Variants in VPS18 observed in about 807,000 individuals in gnomAD.
VPS18 encodes VPS18 core subunit of CORVET and HOPS complexes.
VPS18 carries 25 observed loss-of-function variants against 82.0 expected under a neutral mutation model. The observed-to-expected ratio is 0.30, with a 90% confidence interval of 0.22 to 0.43. The LOEUF (loss-of-function observed/expected upper bound fraction) is 0.43, where lower values mean the gene tolerates loss of function less well. Among genes scored for constraint, VPS18 ranks in the 20% least tolerant of loss-of-function variants. The pLI is 1.00. For missense variants in VPS18, 1,168 were observed against 1,311.1 expected, an observed-to-expected ratio of 0.89 and a Z score of 1.69; for synonymous variants, 523 against 543.0, an observed-to-expected ratio of 0.96 and a Z score of 0.51.
chr15:40,902,738 C>G lies in VPS18; in HGVS notation c.2319C>G (p.Ala773=), dbSNP rs773836935. The change falls in exon 5 of 5, where the codon GCC becomes GCG. Residue 773 remains alanine, a synonymous_variant. Coordinates refer to ENST00000220509, the MANE Select transcript of VPS18 (RefSeq NM_020857.3). This position sits in a 1 kb window ranked among gnomAD's most constrained non-coding sequence, Gnocchi z 4.2. The stretch of plus-strand genomic sequence containing the variant: ...AGGAAGAGGAAGATGTACAGACAGC[C>G]ATGGCTTGCCTGGCTAGCTGCCCCT... ...VVQEEEDVQT[A]MACLASCPLL... 69 of 1,614,188 alleles carry G rather than the reference C, an allele frequency of 4.3e-5. No homozygotes were observed. The highest frequency in any genetic ancestry group is 5.4e-5 in the Non-Finnish European group (64 of 1,180,060).
Position 40,902,877 on chromosome 15 carries a change from C to T in VPS18, c.2458C>T (p.Gln820Ter). Residue 820 changes from glutamine (Q) to a stop codon, truncating the protein, a stop_gained, in exon 5 of 5, where the codon CAG (glutamine) becomes TAG (stop). Coordinates refer to ENST00000220509, the MANE Select transcript of VPS18 (RefSeq NM_020857.3). LOFTEE classifies it high-confidence loss of function. The surrounding 1 kb of genome is among the most constrained non-coding windows in gnomAD (Gnocchi z 4.2). ...CTACAACCACCACATCCAGGAGCTG[C>T]AGCGGGAGATGGAAGAGGCTACAGC... ...KAYNHHIQEL[Q>*]REMEEATASA... is the part of the protein sequence containing the mutation. 6.2e-7 allele frequency: 1 copy of T among 1,614,286 alleles called. No individual in the cohort carries two copies. The highest frequency in any genetic ancestry group is 2.2e-5 in the East Asian group (1 of 44,890).
rs1892389451 is a variant in VPS18 at position 40,903,057 on chromosome 15, C to T, written c.2638C>T (p.Leu880=). The change falls in exon 5 of 5, where the codon CTG becomes TTG. Residue 880 remains leucine (L), a synonymous_variant. Coordinates refer to ENST00000220509, the MANE Select transcript of VPS18 (RefSeq NM_020857.3). ...CGHMFHADCL[L]QAVRPGLPAY... ...CCATATGTTCCATGCTGACTGCCTG[C>T]TGCAGGCTGTGCGACCTGGCCTGCC... 6 of 1,614,128 alleles carry T rather than the reference C, an allele frequency of 3.7e-6. No homozygotes were observed. The highest frequency in any genetic ancestry group is 2.7e-5 in the African/African-American group (2 of 74,950).
chr15:40,896,890 G>A (rs138466068), intron 2 of VPS18, among the ~76,000 whole-genome samples: 1 of 151,784 alleles, frequency 6.6e-6, no homozygotes, highest in African/African-American at 2.4e-5. Flanking sequence ...ATTGATTAGA[G>A]CATTCTTGTG....
At position 40,902,488 on chromosome 15, in the gene VPS18, C is replaced by G. The variant is rs1892375780; in HGVS notation, c.2197-128C>G. 7.8e-7 allele frequency: 1 copy of G among 1,287,826 alleles called. No individual in the cohort carries two copies. Among genetic ancestry groups the G allele is most frequent in the Admixed American group, 2.8e-5 (1 of 36,338 alleles). 79.8% of individuals were successfully genotyped at this position (1,287,826 alleles called of 1,614,324 possible). On this transcript the variant is annotated intron_variant, in intron 4 of 4. Transcript: ENST00000220509. The surrounding 1 kb of genome is among the most constrained non-coding windows in gnomAD (Gnocchi z 4.2). Reference sequence around the variant, plus strand: ...AGCTTTTACATAGCTGTGGCAGCGGCAGGCCCCCTTGCTTCCAGGAGTGCT... The same window carrying G: ...AGCTTTTACATAGCTGTGGCAGCGGGAGGCCCCCTTGCTTCCAGGAGTGCT...
chr15:40,898,790 C>T (rs1307024167), intron 2 of VPS18, 117 bp from the exon 3 acceptor site: 3 of 1,105,736 alleles, frequency 2.7e-6, no homozygotes, highest in African/African-American at 3.1e-5. Flanking sequence ...GCATTTTATG[C>T]ATAGATGTAT....
rs1248925172 is a variant in VPS18 at position 40,894,562 on chromosome 15, A to G, written c.-207A>G. The G allele has an allele frequency of 4.1e-6, 2 of 492,758 alleles. No individual in the cohort carries two copies. The highest frequency in any genetic ancestry group is 7.2e-6 in the Non-Finnish European group (2 of 279,214). 30.5% of individuals were successfully genotyped at this position (492,758 alleles called of 1,614,324 possible). ...AAGGTGCAAGACTGCGCCAGATTCA[A>G]GGACGAGGGCTGCCCGATTATCTCG... On this transcript the variant is annotated 5_prime_UTR_variant, in exon 1 of 5. Transcript: ENST00000220509.
chr15:40,901,880 C>G (rs535547927), intron 4 of VPS18, among the ~76,000 whole-genome samples: 1 of 152,102 alleles, frequency 6.6e-6, no homozygotes, highest in East Asian at 1.9e-4. Flanking sequence ...CACTCCAGCC[C>G]GGGCAACAGA....
At chr15:40,896,418 T>C (rs1347583525) in intron 2 of VPS18, among the ~76,000 whole-genome samples, 2 of 151,484 alleles carry the variant, frequency 1.3e-5, no homozygotes, top group African/African-American at 2.4e-5. Context: ...GATGGTGCAG[T>C]CCCAACTACT....
In VPS18 at chr15:40,900,198, C is replaced by A. The variant is rs749631523; in HGVS notation, c.1380C>A (p.Phe460Leu). The change falls in exon 4 of 5, where the codon TTC becomes TTA. Residue 460 changes from phenylalanine (F) to leucine (L), a missense_variant. Transcript: ENST00000220509. This position sits in a 1 kb window ranked among gnomAD's most constrained non-coding sequence, Gnocchi z 5.4. ...ACTTTGAGGAGATTGCCCTCAAGTT[C>A]CTGGAGGCCCGACAGGAGGAGGCTC... is the stretch of plus-strand genomic sequence containing the variant. Reference protein sequence around the residue: ...QSYFEEIALKFLEARQEEALA... With the variant: ...QSYFEEIALKLLEARQEEALA... 2 of 1,613,828 alleles carry A rather than the reference C, an allele frequency of 1.2e-6. No individual in the cohort carries two copies. Among genetic ancestry groups the A allele is most frequent in the Admixed American group, 1.7e-5 (1 of 60,022 alleles).
intron 1 of VPS18, 112 bp from the exon 2 acceptor site, chr15:40,895,826 G>C (rs3743036): frequency 0.027 from 38,557 of 1,436,756 alleles, 996 homozygotes; most frequent in East Asian, 0.095. Context: ...AGGTCCTGGG[G>C]ATAGGAATAT....
chr15:40,900,272 G>A lies in VPS18; in HGVS notation c.1454G>A (p.Arg485His), dbSNP rs771450559. The change falls in exon 4 of 5, where the codon CGT (arginine) becomes CAT (histidine). Residue 485 changes from arginine to histidine, a missense_variant. This residue lies in a region of VPS18 where 868 missense variants were observed against 939.8 expected (regional missense o/e 0.92). Coordinates refer to ENST00000220509, the MANE Select transcript of VPS18 (RefSeq NM_020857.3). The surrounding 1 kb of genome is among the most constrained non-coding windows in gnomAD (Gnocchi z 5.4). ...RKLASLKPAE[R>H]TQATLLTTWL... is the part of the protein sequence containing the mutation. Reference sequence around the variant, plus strand: ...CTGGCCAGTTTGAAGCCAGCCGAACGTACCCAGGCCACACTGCTGACCACC... The same window carrying A: ...CTGGCCAGTTTGAAGCCAGCCGAACATACCCAGGCCACACTGCTGACCACC... 9.9e-6 allele frequency: 16 copies of A among 1,613,602 alleles called. No homozygotes were observed. The East Asian group carries it at 2.0e-4, about 20-fold the overall frequency.
chr15:40,894,587 G>C lies in VPS18; in HGVS notation c.-182G>C, dbSNP rs567921742. On this transcript the variant is annotated 5_prime_UTR_variant, in exon 1 of 5. Coordinates refer to ENST00000220509, the MANE Select transcript of VPS18 (RefSeq NM_020857.3). ...AGGACGAGGGCTGCCCGATTATCTC[G>C]CTGCATAAGGCAAGAGCAAGAGGAT... 8 of 530,620 alleles carry C rather than the reference G, an allele frequency of 1.5e-5. No individual in the cohort carries two copies. In the African/African-American group the frequency reaches 1.6e-4, roughly 10 times the overall value. 32.9% of individuals were successfully genotyped at this position (530,620 alleles called of 1,614,324 possible). A position where few individuals can be genotyped will look rare whatever the true frequency, so the allele number is the denominator to read the frequency against.
In VPS18 at chr15:40,901,087, G is replaced by A; in HGVS notation, c.2196+73G>A. On this transcript the variant is annotated intron_variant, in intron 4 of 4. Coordinates refer to ENST00000220509, the MANE Select transcript of VPS18 (RefSeq NM_020857.3). Reference sequence around the variant, plus strand: ...AGTAGCTTTAGATGTGGAAGGGCTTGGGGGGCCATGGCTAGAGGGTGCTGG... The same window carrying A: ...AGTAGCTTTAGATGTGGAAGGGCTTAGGGGGCCATGGCTAGAGGGTGCTGG... 4.7e-6 allele frequency: 7 copies of A among 1,490,890 alleles called. No homozygotes were observed. The South Asian group carries it at 8.8e-5, about 19-fold the overall frequency. 92.4% of individuals were successfully genotyped at this position (1,490,890 alleles called of 1,614,324 possible).
Position 40,902,765 on chromosome 15 carries a change from G to A in VPS18, c.2346G>A (p.Leu782=). 5.6e-6 allele frequency: 9 copies of A among 1,614,248 alleles called. No individual in the cohort carries two copies. Among genetic ancestry groups the A allele is most frequent in the Non-Finnish European group, 7.6e-6 (9 of 1,180,040 alleles). Residue 782 remains leucine, a synonymous_variant, in exon 5 of 5, where the codon TTG becomes TTA. Transcript: ENST00000220509. This position sits in a 1 kb window ranked among gnomAD's most constrained non-coding sequence, Gnocchi z 4.2. ...TGGCTTGCCTGGCTAGCTGCCCCTT[G>A]CTCAAGATTGAGGATGTGCTGCCCT... ...TAMACLASCP[L]LKIEDVLPFF...
In VPS18 at chr15:40,900,001, G is replaced by A. The variant is rs771223199; in HGVS notation, c.1183G>A (p.Ala395Thr). ...AVFRYHVQREARDVWRTYLDM... is the reference protein window; with the variant it reads ...AVFRYHVQRETRDVWRTYLDM... The stretch of plus-strand genomic sequence containing the variant: ...CTTCCGCTACCACGTGCAACGGGAG[G>A]CCCGAGATGTCTGGCGCACCTATCT... Residue 395 changes from alanine (A) to threonine (T), a missense_variant, in exon 4 of 5, where the codon GCC (alanine) becomes ACC (threonine). Ala to Thr is a moderately conservative substitution (Grantham distance 58). Coordinates refer to ENST00000220509, the MANE Select transcript of VPS18 (RefSeq NM_020857.3). This position sits in a 1 kb window ranked among gnomAD's most constrained non-coding sequence, Gnocchi z 5.4. 1 of 1,614,034 alleles carries A rather than the reference G, an allele frequency of 6.2e-7. No homozygotes were observed. Among genetic ancestry groups the A allele is most frequent in the South Asian group, 1.1e-5 (1 of 91,088 alleles).
chr15:40,898,493 A>G (rs1596175100), intron 2 of VPS18, among the ~76,000 whole-genome samples: 1 of 142,444 alleles, frequency 7.0e-6, no homozygotes, highest in Admixed American at 7.1e-5. Context: ...TTTTTTTGAG[A>G]TGAGGTCTCA....
chr15:40,894,708 CG>C lies in VPS18; in HGVS notation c.-54del, dbSNP rs3215043. 45,839 of 1,479,450 alleles carry C rather than the reference CG, an allele frequency of 0.031. 1,822 individuals are homozygous for C. Among genetic ancestry groups the C allele is most frequent in the African/African-American group, 0.16 (11,253 of 70,252 alleles). The allele number at this position is 1,479,450 out of a possible 1,614,324, so 91.6% of individuals were successfully genotyped here. The stretch of plus-strand genomic sequence containing the variant: ...TTCCATTCTGGGGCGACGGGGACCC[CG>C]GGGGGGTAGCCCTTTTGTAATCCCC... On this transcript the variant is annotated 5_prime_UTR_variant, in exon 1 of 5. Coordinates refer to ENST00000220509, the MANE Select transcript of VPS18 (RefSeq NM_020857.3).
chr15:40,901,784 T>C (rs189837311), intron 4 of VPS18, among the ~76,000 whole-genome samples: 149 of 152,072 alleles, frequency 9.8e-4, no homozygotes, highest in African/African-American at 3.5e-3. Context: ...CACGCACCTG[T>C]AATTCCAGCT....
chr15:40,902,663 T>G lies in VPS18; in HGVS notation c.2244T>G (p.Asp748Glu), dbSNP rs1892379181. 19 of 1,614,118 alleles carry G rather than the reference T, an allele frequency of 1.2e-5. No individual in the cohort carries two copies. Among genetic ancestry groups the G allele is most frequent in the Non-Finnish European group, 1.6e-5 (19 of 1,179,998 alleles). Residue 748 changes from aspartate (D) to glutamate (E), a missense_variant, in exon 5 of 5, where the codon GAT becomes GAG. By Grantham distance (45) the Asp-to-Glu change is conservative (BLOSUM62 2). Coordinates refer to ENST00000220509, the MANE Select transcript of VPS18 (RefSeq NM_020857.3). This position sits in a 1 kb window ranked among gnomAD's most constrained non-coding sequence, Gnocchi z 4.2. ...AGTGTGCAGACCTGCCTGAGGAGGA[T>G]GAGGAATTGCGCAAGAAGCTGTGGC... ...AKQCADLPEE[D>E]EELRKKLWLK...
Sources: gnomAD v4.1 joint callset for allele counts (sites outside exome capture counted in the v4.1 genomes callset) on GRCh38, gnomAD v4.1.1 for gene constraint, gnomAD v4.1.1 regional missense constraint, Gnocchi (gnomAD v3.1) non-coding constraint, MANE v1.5 for transcripts, NCBI Gene and HGNC (gene_info 2026-07-23, HGNC 2026-07-21) for gene names.